Variants in MCF2 observed in about 807,000 individuals in gnomAD.
MCF2 encodes MCF.2 cell line derived transforming sequence.
Under a neutral mutation model 82.5 loss-of-function variants are expected in MCF2, and 44 were observed. That is an observed-to-expected ratio of 0.53 (90% CI 0.42 to 0.69). The LOEUF is 0.69. Among genes scored for constraint, MCF2 ranks in the 30% least tolerant of loss-of-function variants. The probability of loss-of-function intolerance (pLI) is 0.00; values close to 1 mark genes in which losing one functional copy is unlikely to be tolerated. For synonymous variants in MCF2, 217 were observed against 224.9 expected, an observed-to-expected ratio of 0.96 and a Z score of 0.32; for missense variants, 623 against 663.1, an observed-to-expected ratio of 0.94 and a Z score of 0.66.
intron 20 of MCF2, among the ~76,000 whole-genome samples, chrX:139,588,741 T>A (rs752799954): frequency 1.6e-4 from 17 of 108,450 alleles, no homozygotes; most frequent in South Asian, 4.1e-4. Context: ...GGAAACCCCA[T>A]CTCTACTACT....
At chrX:139,612,540 GAA>G (rs368901985) in intron 10 of MCF2, among the ~76,000 whole-genome samples, 1 of 97,600 alleles carries the variant, frequency 1.0e-5, no homozygotes, top group South Asian at 4.4e-4. Flanking sequence ...AATGCAAAAA[GAA>G]AAAAAAAAAC....
In MCF2 at chrX:139,626,642, C is replaced by T. The variant is rs1157802112; in HGVS notation, c.553G>A (p.Asp185Asn). 1 of 1,209,121 alleles carries T rather than the reference C, an allele frequency of 8.3e-7. No individual in the cohort carries two copies. The highest frequency in any genetic ancestry group is 2.2e-5 in the Admixed American group (1 of 45,965). Residue 185 changes from aspartate to asparagine, a missense_variant, in exon 5 of 25, where the codon GAC (aspartate) becomes AAC (asparagine). Transcript: ENST00000370576. ...ACTCACTTATTAATAGTTTGCCAGT[C>T]ACCACTTATTTGCCGATGACATTCT...
intron 9 of MCF2, among the ~76,000 whole-genome samples, chrX:139,615,814 C>G (rs1931852352): frequency 8.9e-6 from 1 of 111,939 alleles, no homozygotes; most frequent in African/African-American, 3.2e-5. Context: ...CAACTTCTGC[C>G]TGCTCCTCCT....
chrX:139,692,526 G>C (rs1289026608), intron 1 of MCF2, among the ~76,000 whole-genome samples: 1 of 112,276 alleles, frequency 8.9e-6, no homozygotes, highest in Non-Finnish European at 1.9e-5. Context: ...GGGCTGTGGA[G>C]GAGGGACGCA....
chrX:139,601,839 A>G (rs1244814358), intron 16 of MCF2, among the ~76,000 whole-genome samples: 3 of 111,312 alleles, frequency 2.7e-5, no homozygotes, highest in Non-Finnish European at 5.7e-5. Flanking sequence ...TTTAAATGTA[A>G]TAAGAAGAGA....
intron 1 of MCF2, among the ~76,000 whole-genome samples, chrX:139,689,311 G>A (rs892393890): frequency 4.5e-5 from 5 of 111,983 alleles, no homozygotes; most frequent in African/African-American, 1.6e-4. Context: ...ATCACTCATA[G>A]CTGCTGTTGA....
intron 1 of MCF2, among the ~76,000 whole-genome samples, chrX:139,707,236 G>A (rs940573647): frequency 3.6e-5 from 4 of 110,315 alleles, no homozygotes; most frequent in South Asian, 3.9e-4. Context: ...AGAAAAAAAG[G>A]GTTGGAGTTT....
At chrX:139,642,918 C>T (rs1603298586), upstream of MCF2, 4 of 663,611 alleles carry the variant, frequency 6.0e-6, no homozygotes, top group Non-Finnish European at 7.4e-6. Context: ...TTCTCCTCTG[C>T]GCAGTTTGAT....
chrX:139,665,869 T>G (rs1433032367), intron 1 of MCF2, among the ~76,000 whole-genome samples: 1 of 98,839 alleles, frequency 1.0e-5, no homozygotes, highest in Admixed American at 1.1e-4. Context: ...TTCCTTTTGA[T>G]TTTTATGGGT....
At chrX:139,651,784 G>C (rs749937480) in exon 2 of MCF2, 4 of 1,133,692 alleles carry the variant, frequency 3.5e-6, no homozygotes, top group Non-Finnish European at 4.7e-6. Flanking sequence ...GGAGCAGATC[G>C]GTTTCTATGA....
chrX:139,621,308 A>G (rs1272475294), intron 6 of MCF2, among the ~76,000 whole-genome samples: 6 of 111,920 alleles, frequency 5.4e-5, no homozygotes, highest in South Asian at 3.7e-4. Flanking sequence ...TATGACTAAA[A>G]TTTCAAAAGC....
intron 2 of MCF2, among the ~76,000 whole-genome samples, chrX:139,649,485 C>T: frequency 9.0e-6 from 1 of 111,630 alleles, no homozygotes; most frequent in South Asian, 3.8e-4. Flanking sequence ...GCCAAGCAAG[C>T]TGGTGAGCAC....
intron 1 of MCF2, among the ~76,000 whole-genome samples, chrX:139,676,196 G>A (rs919019426): frequency 2.7e-5 from 3 of 112,237 alleles, no homozygotes; most frequent in South Asian, 3.7e-4. Context: ...GTATTTGGGC[G>A]GGAGTGTCCC....
chrX:139,585,669 A>G (rs1348709926), intron 23 of MCF2, among the ~76,000 whole-genome samples: 1 of 111,835 alleles, frequency 8.9e-6, no homozygotes, highest in Non-Finnish European at 1.9e-5. Flanking sequence ...GTATGCTTCT[A>G]CAGCACTTCG....
chrX:139,586,873 T>G (rs1369257760), intron 22 of MCF2, among the ~76,000 whole-genome samples: 1 of 111,589 alleles, frequency 9.0e-6, no homozygotes, highest in Non-Finnish European at 1.9e-5. Context: ...ATTAAGTCAA[T>G]TACTGCATAA....
intron 1 of MCF2, among the ~76,000 whole-genome samples, chrX:139,654,059 A>G (rs5953522): frequency 0.067 from 7,475 of 111,786 alleles, 607 homozygotes; most frequent in African/African-American, 0.23. Flanking sequence ...TGGCACTTAG[A>G]TTGAGTCCAT....
chrX:139,638,767 A>T (rs1312720056), intron 1 of MCF2, among the ~76,000 whole-genome samples: 1 of 112,086 alleles, frequency 8.9e-6, no homozygotes, highest in African/African-American at 3.2e-5. Flanking sequence ...CATAGATCTG[A>T]ACATCAATCA....
At chrX:139,626,449 T>C (rs1932763388) in intron 5 of MCF2, 142 bp from the exon 9 acceptor site, 1 of 600,425 alleles carries the variant, frequency 1.7e-6, no homozygotes, top group South Asian at 3.0e-5. Flanking sequence ...ACAACCAATG[T>C]CCACAGACTC....
At chrX:139,585,713 T>C (rs1456635428) in intron 23 of MCF2, among the ~76,000 whole-genome samples, 1 of 112,036 alleles carries the variant, frequency 8.9e-6, no homozygotes, top group Non-Finnish European at 1.9e-5. Flanking sequence ...CAAATTTACT[T>C]TTAATTGCTT....
Sources: allele counts gnomAD v4.1 joint callset (sites outside exome capture counted in the v4.1 genomes callset), GRCh38; gene constraint gnomAD v4.1.1; transcripts MANE v1.5; gene names NCBI Gene and HGNC (gene_info 2026-07-23, HGNC 2026-07-21).